The following HMBOX1 variants were observed in gnomAD, a reference collection of about 807,000 sequenced individuals.
HMBOX1 encodes homeobox-containing protein 1.
In HMBOX1, 14 loss-of-function variants were observed where a neutral mutation model predicts 54.5. The ratio of observed to expected loss-of-function variants is 0.26; its 90% CI spans 0.17 to 0.40. HMBOX1 has a LOEUF of 0.40. Among genes scored for constraint, HMBOX1 ranks in the 10% least tolerant of loss-of-function variants. The pLI, the probability that HMBOX1 is intolerant of heterozygous loss-of-function variation, is 1.00. For missense variants in HMBOX1, 332 were observed against 514.4 expected (o/e 0.65, Z 3.43); for synonymous variants, 160 against 181.0 (o/e 0.88, Z 0.93).
chr8:28,978,767 A>G (rs1191252746), intron 3 of HMBOX1, among the ~76,000 whole-genome samples: 1 of 142,454 alleles, frequency 7.0e-6, no homozygotes, highest in Non-Finnish European at 1.5e-5. Context: ...AGCCCGAGCA[A>G]CAGAGTGAGA....
intron 1 of HMBOX1, among the ~76,000 whole-genome samples, chr8:28,952,992 A>C (rs183887164): frequency 2.0e-5 from 3 of 152,216 alleles, no homozygotes; most frequent in Non-Finnish European, 4.4e-5. Context: ...TTCTGCTAAG[A>C]CAAGGGAAGT....
At chr8:28,977,033 G>T (rs145642689) in intron 3 of HMBOX1, among the ~76,000 whole-genome samples, 4 of 152,120 alleles carry the variant, frequency 2.6e-5, no homozygotes, top group Non-Finnish European at 5.9e-5. Flanking sequence ...AAACATTATT[G>T]GTACTTAGAG....
chr8:28,993,772 A>G (rs1831345576), intron 4 of HMBOX1, among the ~76,000 whole-genome samples: 1 of 152,190 alleles, frequency 6.6e-6, no homozygotes, highest in African/African-American at 2.4e-5. Context: ...GCTCTCTGAT[A>G]CCAATCAGAA....
rs561566945 is a variant in HMBOX1, at chr8:29,051,228, CAT to C, written c.*74_*75del. On this transcript the variant is annotated 3_prime_UTR_variant, in exon 10 of 10. Coordinates refer to ENST00000287701, the MANE Select transcript of HMBOX1 (RefSeq NM_001135726.3). ...TTAGCAGACTTTCCTCGGTCCTTAA[CAT>C]GTGTTCTTACAGTATAACTTGCAGT... is the stretch of plus-strand genomic sequence containing the variant. 2.2e-4 allele frequency: 335 copies of C among 1,519,760 alleles called. No homozygotes were observed. In the African/African-American group the frequency reaches 3.7e-3, roughly 17 times the overall value. 94.1% of individuals were successfully genotyped at this position (1,519,760 alleles called of 1,614,324 possible).
chr8:28,918,158 G>A (rs563878577), intron 1 of HMBOX1, among the ~76,000 whole-genome samples: 1 of 152,186 alleles, frequency 6.6e-6, no homozygotes, highest in African/African-American at 2.4e-5. Flanking sequence ...TTTAAACTAT[G>A]AACTCAGTTT....
At chr8:28,997,390 T>G (rs779617359) in intron 4 of HMBOX1, among the ~76,000 whole-genome samples, 1 of 152,234 alleles carries the variant, frequency 6.6e-6, no homozygotes, top group Non-Finnish European at 1.5e-5. Flanking sequence ...TTGATGTGAC[T>G]GTATTACATT....
intron 1 of HMBOX1, among the ~76,000 whole-genome samples, chr8:28,926,871 A>G (rs1348385073): frequency 1.3e-5 from 2 of 152,138 alleles, no homozygotes; most frequent in African/African-American, 4.8e-5. Context: ...AGTACTATGA[A>G]CTCAATAGTC....
chr8:28,983,033 C>T (rs1040190847), intron 4 of HMBOX1, among the ~76,000 whole-genome samples: 2 of 152,132 alleles, frequency 1.3e-5, no homozygotes, highest in African/African-American at 2.4e-5. Flanking sequence ...CTCCTGTTTT[C>T]GCAAGCAAGA....
At chr8:29,033,676 T>G (rs1207235378) in intron 6 of HMBOX1, among the ~76,000 whole-genome samples, 2 of 152,184 alleles carry the variant, frequency 1.3e-5, no homozygotes, top group African/African-American at 4.8e-5. Context: ...GCAGTTTCAT[T>G]TTGTACAAAT....
intron 1 of HMBOX1, among the ~76,000 whole-genome samples, chr8:28,935,998 T>A (rs914439117): frequency 1.3e-5 from 2 of 152,050 alleles, no homozygotes; most frequent in African/African-American, 4.8e-5. Flanking sequence ...AATAAAAAAA[T>A]AGAAAAGAAT....
rs1251026432 is a variant in HMBOX1 at position 29,051,661 on chromosome 8, T to C, written c.*506T>C. 5 of 700,938 alleles carry C rather than the reference T, an allele frequency of 7.1e-6. No individual in the cohort carries two copies. Among genetic ancestry groups the C allele is most frequent in the Admixed American group, 6.0e-5 (3 of 49,960 alleles). 43.4% of individuals were successfully genotyped at this position (700,938 alleles called of 1,614,324 possible). ...AATCCCCACCTCAGCGTGAGGATAA[T>C]TGATTTCCAGCTGCAATAAGCCGTG... On this transcript the variant is annotated 3_prime_UTR_variant, in exon 10 of 10. Transcript: ENST00000287701.
intron 2 of HMBOX1, among the ~76,000 whole-genome samples, chr8:28,968,768 T>C (rs1563489544): frequency 6.6e-6 from 1 of 152,210 alleles, no homozygotes; most frequent in South Asian, 2.1e-4. Context: ...CAAACACTTA[T>C]TGAGAGCCTA....
At chr8:29,022,122 C>G (rs1380570735) in intron 6 of HMBOX1, among the ~76,000 whole-genome samples, 1 of 152,086 alleles carries the variant, frequency 6.6e-6, no homozygotes, top group African/African-American at 2.4e-5. Context: ...ATTCCTACTT[C>G]TAGAAAATTA....
chr8:28,982,759 G>A (rs1829580441), intron 4 of HMBOX1, among the ~76,000 whole-genome samples: 1 of 152,066 alleles, frequency 6.6e-6, no homozygotes. Flanking sequence ...CCAAGTACCT[G>A]GGATTACAGG....
chr8:28,972,639 TCA>T (rs1343431784), intron 3 of HMBOX1, among the ~76,000 whole-genome samples: 12 of 152,232 alleles, frequency 7.9e-5, no homozygotes. Context: ...TTGCTGTTCA[TCA>T]GTTTTGATAA....
At chr8:28,987,038 C>A (rs1830264689) in intron 4 of HMBOX1, among the ~76,000 whole-genome samples, 1 of 152,112 alleles carries the variant, frequency 6.6e-6, no homozygotes, top group Non-Finnish European at 1.5e-5. Flanking sequence ...CTTCAGTCAT[C>A]TCAAATGCAG....
chr8:28,956,455 AC>A (rs1210126132), intron 1 of HMBOX1, among the ~76,000 whole-genome samples: 1 of 151,884 alleles, frequency 6.6e-6, no homozygotes, highest in Non-Finnish European at 1.5e-5. Flanking sequence ...TTTATTTTTT[AC>A]ATTTGTCTTT....
At chr8:29,003,830 G>A (rs918823362) in intron 4 of HMBOX1, among the ~76,000 whole-genome samples, 1 of 151,812 alleles carries the variant, frequency 6.6e-6, no homozygotes, top group Non-Finnish European at 1.5e-5. Flanking sequence ...GTACAAAATT[G>A]CTTGAAGAAG....
At position 28,945,856 on chromosome 8, in the gene HMBOX1, G is replaced by A. The variant is rs184389454; in HGVS notation, c.-57-17955G>A. 6.7e-5 allele frequency among the ~76,000 whole-genome samples: 10 copies of A among 149,504 alleles called. No individual in the cohort carries two copies. In the South Asian group the frequency reaches 1.3e-3, roughly 19 times the overall value. On this transcript the variant is annotated intron_variant, in intron 1 of 9. Transcript: ENST00000287701. ...TTTAATAAGATACAATTCACATACC[G>A]TACAATTTACCCATTTAAAGTATAT...
Sources: gnomAD v4.1 joint callset for allele counts (sites outside exome capture counted in the v4.1 genomes callset) on GRCh38, gnomAD v4.1.1 for gene constraint, MANE v1.5 for transcripts, NCBI Gene and HGNC (gene_info 2026-07-23, HGNC 2026-07-21) for gene names.